The following ATP6V1E1 variants were observed in gnomAD, a reference collection of about 807,000 sequenced individuals.
ATP6V1E1 encodes the protein V-type proton ATPase subunit E 1.
A neutral mutation model predicts 35.2 loss-of-function variants in ATP6V1E1; 21 were observed. The ratio of observed to expected loss-of-function variants is 0.60; its 90% CI spans 0.42 to 0.86. The LOEUF is 0.86. Ranked by LOEUF, ATP6V1E1 falls within the 40% of genes least tolerant of loss-of-function variation. The pLI is 0.00. For synonymous variants in ATP6V1E1, 83 were observed against 87.8 expected (o/e 0.95, Z 0.30); for missense variants, 183 against 272.6 (o/e 0.67, Z 2.32).
chr22:17,624,828 A>G (rs1400478387), intron 1 of ATP6V1E1, among the ~76,000 whole-genome samples: 2 of 152,210 alleles, frequency 1.3e-5, no homozygotes, highest in Non-Finnish European at 2.9e-5. Flanking sequence ...CTCAAAAAAA[A>G]AAAATCATTT....
chr22:17,627,792 C>G (rs975710299), intron 1 of ATP6V1E1, among the ~76,000 whole-genome samples: 1 of 140,188 alleles, frequency 7.1e-6, no homozygotes, highest in African/African-American at 2.7e-5. Context: ...GCACTCCAGC[C>G]TGGGCGACAG....
chr22:17,596,437 T>C (rs1296823), intron 7 of ATP6V1E1, among the ~76,000 whole-genome samples: 21,983 of 151,952 alleles, frequency 0.14, 2,911 homozygotes, highest in African/African-American at 0.34. Context: ...CTAGGCTCTC[T>C]GGCCTCCTCT....
intron 1 of ATP6V1E1, among the ~76,000 whole-genome samples, chr22:17,622,780 AG>A (rs2057884471): frequency 6.6e-6 from 1 of 152,188 alleles, no homozygotes; most frequent in African/African-American, 2.4e-5. Context: ...AGCCTGGCCA[AG>A]ATGGAGAAAC....
At chr22:17,624,467 T>A (rs1361063635) in intron 1 of ATP6V1E1, among the ~76,000 whole-genome samples, 2 of 151,888 alleles carry the variant, frequency 1.3e-5, no homozygotes, top group Admixed American at 6.6e-5. Flanking sequence ...TGCAGGAGGA[T>A]CGCTTGAACC....
intron 6 of ATP6V1E1, 127 bp downstream of exon 6, chr22:17,599,900 T>C (rs2057753510): frequency 4.0e-6 from 3 of 757,380 alleles, no homozygotes; most frequent in Admixed American, 5.7e-5. Flanking sequence ...CACTCCATCC[T>C]GGACAACAGA....
chr22:17,598,259 G>A lies in ATP6V1E1; in HGVS notation c.465C>T (p.Tyr155=). 6.2e-7 allele frequency: 1 copy of A among 1,614,012 alleles called. No individual in the cohort carries two copies. The highest frequency in any genetic ancestry group is 8.5e-7 in the Non-Finnish European group (1 of 1,179,906). The change falls in exon 7 of 9, where the codon TAC becomes TAT. Residue 155 remains tyrosine, a synonymous_variant. Transcript: ENST00000253413. The stretch of plus-strand genomic sequence containing the variant: ...CAACATCGTTTTTGGTGGCAATTTT[G>A]TACATAGGAATTGCCTTCTGCACTG... ...KAAVQKAIPM[Y]KIATKNDVDV... is the part of the protein sequence containing the mutation.
chr22:17,615,574 C>A (rs1182397578), intron 2 of ATP6V1E1, among the ~76,000 whole-genome samples: 1 of 151,868 alleles, frequency 6.6e-6, no homozygotes, highest in Non-Finnish European at 1.5e-5. Flanking sequence ...ACCCAGGAGG[C>A]AGAGGTTAGA....
At chr22:17,598,505 AG>A (rs2057744699) in intron 6 of ATP6V1E1, among the ~76,000 whole-genome samples, 1 of 152,222 alleles carries the variant, frequency 6.6e-6, no homozygotes, top group Non-Finnish European at 1.5e-5. Context: ...AAGATTTAAC[AG>A]GGCTTGGCAG....
At chr22:17,605,902 C>T (rs1313104870) in intron 4 of ATP6V1E1, among the ~76,000 whole-genome samples, 1 of 151,986 alleles carries the variant, frequency 6.6e-6, no homozygotes, top group South Asian at 2.1e-4. Flanking sequence ...TCAAGCTATC[C>T]TCCTGCCTCA....
At chr22:17,602,006 G>A (rs955169525) in intron 4 of ATP6V1E1, among the ~76,000 whole-genome samples, 1 of 152,170 alleles carries the variant, frequency 6.6e-6, no homozygotes, top group Non-Finnish European at 1.5e-5. Context: ...CCAGGCTCAA[G>A]TGATCTTCCC....
chr22:17,625,984 G>A (rs559332729), intron 1 of ATP6V1E1, among the ~76,000 whole-genome samples: 20 of 151,916 alleles, frequency 1.3e-4, no homozygotes, highest in African/African-American at 4.3e-4. Context: ...GCCAAACACC[G>A]TTAGGCATTG....
intron 1 of ATP6V1E1, among the ~76,000 whole-genome samples, chr22:17,622,557 T>C (rs2057883072): frequency 6.6e-6 from 1 of 152,028 alleles, no homozygotes; most frequent in Non-Finnish European, 1.5e-5. Flanking sequence ...AGATGATGGG[T>C]TGATGGGTGC....
chr22:17,596,079 C>A (rs1007822825), intron 7 of ATP6V1E1, among the ~76,000 whole-genome samples: 1 of 151,894 alleles, frequency 6.6e-6, no homozygotes, highest in Non-Finnish European at 1.5e-5. Flanking sequence ...TTGCAGTGAG[C>A]CGAGGTCGTG....
chr22:17,610,201 T>A (rs968331638), intron 4 of ATP6V1E1, among the ~76,000 whole-genome samples: 2 of 152,134 alleles, frequency 1.3e-5, no homozygotes, highest in East Asian at 3.8e-4. Context: ...TACAGAAGTA[T>A]ATCTAATGAA....
rs1214503861 is a variant in ATP6V1E1, at chr22:17,616,964, C to T, written c.99+2497G>A. On this transcript the variant is annotated intron_variant, in intron 2 of 8. Coordinates refer to ENST00000253413, the MANE Select transcript of ATP6V1E1 (RefSeq NM_001696.4). ...TTGGGAGGCTGAGGCAGGAGAATGG[C>T]GTGAACCCGGGAGGCGGAGCTTGCA... Among the ~76,000 whole-genome samples, 292 of 86,024 alleles carry T rather than the reference C, an allele frequency of 3.4e-3. 42 individuals are homozygous for T. Among genetic ancestry groups the T allele is most frequent in the Admixed American group, 0.029 (266 of 9,248 alleles). The allele number at this position is 86,024 out of a possible 152,430, so 56.4% of individuals were successfully genotyped here. A position where few individuals can be genotyped will look rare whatever the true frequency, so the allele number is the denominator to read the frequency against.
In ATP6V1E1 at chr22:17,628,516, C is replaced by G. The variant is rs1197751209; in HGVS notation, c.33+87G>C. ...ACCTTCCTGCGGCATCTGGGCGGCT[C>G]AAGGCCCGCGGCCTTCCCTAGGCGG... On this transcript the variant is annotated intron_variant, in intron 1 of 8. Coordinates refer to ENST00000253413, the MANE Select transcript of ATP6V1E1 (RefSeq NM_001696.4). The G allele has an allele frequency of 5.1e-6, 8 of 1,582,368 alleles. No individual in the cohort carries two copies. The African/African-American group carries it at 6.7e-5, about 13-fold the overall frequency.
chr22:17,617,589 G>A (rs938182518), intron 2 of ATP6V1E1, among the ~76,000 whole-genome samples: 28 of 151,328 alleles, frequency 1.9e-4, no homozygotes, highest in African/African-American at 6.3e-4. Flanking sequence ...CCACCGCCCC[G>A]GCCATATTTT....
At chr22:17,612,456 A>T (rs1041285247) in intron 4 of ATP6V1E1, among the ~76,000 whole-genome samples, 4 of 152,194 alleles carry the variant, frequency 2.6e-5, no homozygotes, top group African/African-American at 9.7e-5. Context: ...ATAATACAAA[A>T]GTTTCCACAG....
intron 1 of ATP6V1E1, 130 bp from the exon 2 acceptor site, chr22:17,619,656 A>C: frequency 1.3e-6 from 1 of 745,410 alleles, no homozygotes; most frequent in Non-Finnish European, 2.2e-6. Context: ...GGGGCCAAGG[A>C]GGGAGGATTG....
Sources: gnomAD v4.1 joint callset for allele counts (sites outside exome capture counted in the v4.1 genomes callset) on GRCh38, gnomAD v4.1.1 for gene constraint, MANE v1.5 for transcripts, NCBI Gene and HGNC (gene_info 2026-07-23, HGNC 2026-07-21) for gene names.